The following ABI2 variants were observed in gnomAD, a reference collection of about 807,000 sequenced individuals.
ABI2 encodes abl interactor 2, also known as abelson interactor 2.
A neutral mutation model predicts 59.2 loss-of-function variants in ABI2; 25 were observed. That is an observed-to-expected ratio of 0.42 (90% CI 0.31 to 0.59). The LOEUF (loss-of-function observed/expected upper bound fraction) is 0.59. ABI2 is among the 20% of genes least tolerant of loss of function. The pLI is 0.14. For synonymous variants in ABI2, 213 were observed against 235.5 expected, an observed-to-expected ratio of 0.90 and a Z score of 0.87; for missense variants, 545 against 681.8, an observed-to-expected ratio of 0.80 and a Z score of 2.23.
intron 11 of ABI2, among the ~76,000 whole-genome samples, chr2:203,418,221 A>G (rs1239996688): frequency 6.6e-6 from 1 of 152,234 alleles, no homozygotes; most frequent in Non-Finnish European, 1.5e-5. Flanking sequence ...CATAGACAAA[A>G]TATTTCCACG....
chr2:203,423,855 T>C (rs1483723496), intron 11 of ABI2, among the ~76,000 whole-genome samples: 1 of 152,234 alleles, frequency 6.6e-6, no homozygotes, highest in Non-Finnish European at 1.5e-5. Flanking sequence ...TTTTCAGTTT[T>C]ACAGACCTTC....
At chr2:203,397,390 T>G (rs2097047883) in intron 8 of ABI2, among the ~76,000 whole-genome samples, 1 of 152,236 alleles carries the variant, frequency 6.6e-6, no homozygotes, top group Non-Finnish European at 1.5e-5. Context: ...TAAGTCTATT[T>G]TTAACAGAAT....
chr2:203,406,917 G>A (rs1579908134), intron 9 of ABI2, among the ~76,000 whole-genome samples: 2 of 152,184 alleles, frequency 1.3e-5, no homozygotes, highest in Admixed American at 6.5e-5. Context: ...GTTCCATCTG[G>A]CGTAACAAAG....
At chr2:203,421,624 G>A (rs909407359) in intron 11 of ABI2, among the ~76,000 whole-genome samples, 1 of 152,136 alleles carries the variant, frequency 6.6e-6, no homozygotes, top group Admixed American at 6.5e-5. Flanking sequence ...TTGACTGAAG[G>A]TATGATCTCA....
chr2:203,405,549 C>CA lies in ABI2; in HGVS notation c.1192+2827dup, dbSNP rs753884266. Among the ~76,000 whole-genome samples the CA allele has an allele frequency of 3.3e-3, 461 of 141,320 alleles. 1 individual carries two copies. Among genetic ancestry groups the CA allele is most frequent in the African/African-American group, 5.2e-3 (202 of 38,602 alleles). The allele number at this position is 141,320 out of a possible 152,430, so 92.7% of individuals were successfully genotyped here. On this transcript the variant is annotated intron_variant, in intron 9 of 11. Transcript: ENST00000261018. ...TGGGCAACAGAGTGAGACCCTGTCTCAAAAAAAAAAAATTATGTAAGTCTC... is the reference window on the plus strand; with the variant it reads ...TGGGCAACAGAGTGAGACCCTGTCTCAAAAAAAAAAAAATTATGTAAGTCTC...
At chr2:203,399,204 G>A (rs149865036) in intron 8 of ABI2, among the ~76,000 whole-genome samples, 115 of 152,232 alleles carry the variant, frequency 7.6e-4, no homozygotes, top group Middle Eastern at 3.4e-3. Flanking sequence ...TCAGCCCTTG[G>A]TGTTGCCTTT....
intron 1 of ABI2, among the ~76,000 whole-genome samples, chr2:203,347,558 C>G (rs79211709): frequency 0.025 from 3,881 of 152,300 alleles, 177 homozygotes; most frequent in African/African-American, 0.089. Flanking sequence ...GTTTATCAAT[C>G]TCCACCATGT....
chr2:203,374,686 A>G (rs2095562420), intron 2 of ABI2: 4 of 362,730 alleles, frequency 1.1e-5, no homozygotes, highest in African/African-American at 2.1e-5. Flanking sequence ...TGTTTTATGA[A>G]TGATACATAA....
intron 11 of ABI2, among the ~76,000 whole-genome samples, chr2:203,420,017 T>C (rs1343117625): frequency 1.3e-5 from 2 of 152,120 alleles, no homozygotes; most frequent in Non-Finnish European, 2.9e-5. Flanking sequence ...AAATGTTAGC[T>C]CTATTGTAAT....
intron 1 of ABI2, among the ~76,000 whole-genome samples, chr2:203,362,477 G>T (rs973812628): frequency 6.6e-6 from 1 of 151,596 alleles, no homozygotes; most frequent in Admixed American, 6.6e-5. Context: ...TAAATATTGA[G>T]TTTTACTATA....
chr2:203,384,290 G>T (rs112826786), intron 4 of ABI2, among the ~76,000 whole-genome samples: 738 of 25,720 alleles, frequency 0.029, 23 homozygotes, highest in African/African-American at 0.04. Flanking sequence ...TTTTGTTTTT[G>T]TTTTTTTTTT....
intron 1 of ABI2, among the ~76,000 whole-genome samples, chr2:203,347,894 T>C (rs551404771): frequency 2.6e-5 from 4 of 152,208 alleles, no homozygotes; most frequent in Non-Finnish European, 5.9e-5. Flanking sequence ...GTTTCGATGC[T>C]TTCTAGATAT....
intron 1 of ABI2, among the ~76,000 whole-genome samples, chr2:203,338,952 A>G (rs1195055196): frequency 0.048 from 273 of 5,712 alleles, 10 homozygotes; most frequent in African/African-American, 0.12. Flanking sequence ...ATATATATAT[A>G]TATATATATA....
At chr2:203,412,152 G>A (rs535272990) in intron 10 of ABI2, among the ~76,000 whole-genome samples, 1 of 152,326 alleles carries the variant, frequency 6.6e-6, no homozygotes, top group Admixed American at 6.5e-5. Context: ...AACAAGGATG[G>A]ATGACTTCAC....
intron 2 of ABI2, among the ~76,000 whole-genome samples, chr2:203,371,741 G>A (rs1176971762): frequency 2.0e-5 from 3 of 151,908 alleles, no homozygotes; most frequent in Non-Finnish European, 2.9e-5. Flanking sequence ...ACTTGTACAG[G>A]TACACATACC....
At chr2:203,426,483 G>C (rs534923906) in intron 11 of ABI2, among the ~76,000 whole-genome samples, 1 of 152,220 alleles carries the variant, frequency 6.6e-6, no homozygotes, top group Non-Finnish European at 1.5e-5. Flanking sequence ...TTTAAGCAAT[G>C]AAAATCACAG....
At chr2:203,402,005 T>G (rs2097242992) in intron 8 of ABI2, among the ~76,000 whole-genome samples, 1 of 152,176 alleles carries the variant, frequency 6.6e-6, no homozygotes, top group Admixed American at 6.5e-5. Context: ...ATCAGATTTT[T>G]AATTTAGTGA....
chr2:203,357,431 A>C (rs1375600704), intron 1 of ABI2, among the ~76,000 whole-genome samples: 1 of 152,226 alleles, frequency 6.6e-6, no homozygotes, highest in East Asian at 1.9e-4. Flanking sequence ...ATAGTCAACC[A>C]CAAATGTAGC....
chr2:203,414,438 G>A (rs1190766424), intron 10 of ABI2, among the ~76,000 whole-genome samples: 2 of 151,970 alleles, frequency 1.3e-5, no homozygotes, highest in African/African-American at 2.4e-5. Flanking sequence ...AAATATCAAT[G>A]CCTCTGCCAT....
Sources: allele counts gnomAD v4.1 joint callset (sites outside exome capture counted in the v4.1 genomes callset), GRCh38; gene constraint gnomAD v4.1.1; transcripts MANE v1.5; gene names NCBI Gene and HGNC (gene_info 2026-07-23, HGNC 2026-07-21).